SH3RF3: variants seen among roughly 807,000 people sequenced by gnomAD.
SH3RF3 encodes the protein SH3 domain containing ring finger 3.
A neutral mutation model predicts 66.3 loss-of-function variants in SH3RF3; 29 were observed. The ratio of observed to expected loss-of-function variants is 0.44; its 90% CI spans 0.33 to 0.60. The LOEUF (loss-of-function observed/expected upper bound fraction) is 0.60. Ranked by LOEUF, SH3RF3 falls within the 20% of genes least tolerant of loss-of-function variation. The pLI, the probability that SH3RF3 is intolerant of heterozygous loss-of-function variation, is 0.04. For missense variants in SH3RF3, 1,194 were observed against 1,190.9 expected, an observed-to-expected ratio of 1.00 and a Z score of -0.04; for synonymous variants, 583 against 532.0, an observed-to-expected ratio of 1.10 and a Z score of -1.32.
intron 1 of SH3RF3, among the ~76,000 whole-genome samples, chr2:109,238,238 C>G (rs1679692493): frequency 6.6e-6 from 1 of 151,950 alleles, no homozygotes; most frequent in African/African-American, 2.4e-5. Flanking sequence ...TTTATGAAGA[C>G]TAATTCAATA....
intron 8 of SH3RF3, among the ~76,000 whole-genome samples, chr2:109,457,361 A>G (rs978041455): frequency 1.3e-4 from 20 of 152,264 alleles, no homozygotes; most frequent in Non-Finnish European, 4.4e-5. Context: ...CAAGTAAACT[A>G]TTATTCAGAA....
At chr2:109,159,437 C>T (rs1002173495) in intron 1 of SH3RF3, among the ~76,000 whole-genome samples, 3 of 152,220 alleles carry the variant, frequency 2.0e-5, no homozygotes, top group Non-Finnish European at 4.4e-5. Flanking sequence ...ACGGAGGCCT[C>T]CTGCATTACT....
intron 1 of SH3RF3, among the ~76,000 whole-genome samples, chr2:109,136,492 T>C (rs1192779521): frequency 6.6e-6 from 1 of 152,102 alleles, no homozygotes; most frequent in Non-Finnish European, 1.5e-5. Flanking sequence ...CCTTTTCCCA[T>C]TGAGTGAAGT....
At chr2:109,323,287 A>G (rs999366996) in intron 1 of SH3RF3, among the ~76,000 whole-genome samples, 1 of 152,222 alleles carries the variant, frequency 6.6e-6, no homozygotes, top group African/African-American at 2.4e-5. Flanking sequence ...TGACTGGCAC[A>G]GGGGCAAGTG....
At chr2:109,362,464 G>C (rs1010119273) in intron 2 of SH3RF3, among the ~76,000 whole-genome samples, 1 of 152,156 alleles carries the variant, frequency 6.6e-6, no homozygotes, top group Non-Finnish European at 1.5e-5. Context: ...ATTTGTTAAG[G>C]TGTGTTTTGC....
chr2:109,250,975 CT>C lies in SH3RF3; in HGVS notation c.574-96690del, dbSNP rs953824330. ...GGCATATACATTGCATTCTGTATAG[CT>C]TTTTTTTTCAAATTATTAATATTTT... On this transcript the variant is annotated intron_variant, in intron 1 of 9. Transcript: ENST00000309415. 4.6e-3 allele frequency among the ~76,000 whole-genome samples: 689 copies of C among 149,800 alleles called. 7 individuals are homozygous for C. The highest frequency in any genetic ancestry group is 0.014 in the African/African-American group (584 of 40,874).
Position 109,193,640 on chromosome 2 carries a change from A to G in SH3RF3, c.573+63527A>G, listed in dbSNP as rs138531821. On this transcript the variant is annotated intron_variant, in intron 1 of 9. Transcript: ENST00000309415. ...ATGGATGCACCACATTTCTTTCTCC[A>G]TTCATGAGTTGATGGACATTTGAGT... Among the ~76,000 whole-genome samples, 121 of 152,172 alleles carry G rather than the reference A, an allele frequency of 8.0e-4. No homozygotes were observed. The Middle Eastern group carries it at 0.014, about 17-fold the overall frequency.
At chr2:109,479,468 G>A (rs1012006938) in intron 8 of SH3RF3, among the ~76,000 whole-genome samples, 3 of 152,110 alleles carry the variant, frequency 2.0e-5, no homozygotes, top group African/African-American at 2.4e-5. Flanking sequence ...AGCTGCCTCC[G>A]GTTTGGTACT....
In SH3RF3 at chr2:109,371,686, G is replaced by T. The variant is rs1224310965; in HGVS notation, c.945+5G>T. ...TTCCCGCTCCTGTACGTGGAGGTAA[G>T]ACCGTGCCGCCCTCCCACACTTGGC... On this transcript the variant is annotated splice_donor_5th_base_variant and intron_variant, in intron 3 of 9. Coordinates refer to ENST00000309415, the MANE Select transcript of SH3RF3 (RefSeq NM_001099289.3). 2.5e-6 allele frequency: 4 copies of T among 1,612,916 alleles called. No individual in the cohort carries two copies. Among genetic ancestry groups the T allele is most frequent in the Non-Finnish European group, 2.5e-6 (3 of 1,179,444 alleles).
chr2:109,208,779 C>T (rs1391612725), intron 1 of SH3RF3, among the ~76,000 whole-genome samples: 1 of 152,146 alleles, frequency 6.6e-6, no homozygotes, highest in Non-Finnish European at 1.5e-5. Context: ...GAATCTTGCC[C>T]TAGAAATACA....
chr2:109,284,753 T>C (rs548919248), intron 1 of SH3RF3, among the ~76,000 whole-genome samples: 1 of 152,312 alleles, frequency 6.6e-6, no homozygotes, highest in African/African-American at 2.4e-5. Flanking sequence ...AGTCCCCGCA[T>C]GGCTAAGCAC....
At chr2:109,478,924 A>G (rs1678760940) in intron 8 of SH3RF3, among the ~76,000 whole-genome samples, 1 of 152,174 alleles carries the variant, frequency 6.6e-6, no homozygotes. Context: ...GGGGCAGGGC[A>G]TGACAGGAAG....
At chr2:109,498,751 G>A (rs1461568460) in intron 9 of SH3RF3, among the ~76,000 whole-genome samples, 3 of 152,230 alleles carry the variant, frequency 2.0e-5, no homozygotes, top group African/African-American at 7.2e-5. Flanking sequence ...TCCCTGTGGC[G>A]ATGGGGCTTG....
chr2:109,196,137 G>A (rs1348358303), intron 1 of SH3RF3, among the ~76,000 whole-genome samples: 1 of 152,228 alleles, frequency 6.6e-6, no homozygotes, highest in Non-Finnish European at 1.5e-5. Context: ...GCAGGCACAC[G>A]TCCCACTCAG....
At chr2:109,180,784 A>G (rs1001890491) in intron 1 of SH3RF3, among the ~76,000 whole-genome samples, 2 of 152,184 alleles carry the variant, frequency 1.3e-5, no homozygotes, top group Non-Finnish European at 2.9e-5. Flanking sequence ...TAAATTGCCC[A>G]GTCTCTGGTA....
At chr2:109,246,098 A>G (rs995068486) in intron 1 of SH3RF3, among the ~76,000 whole-genome samples, 1 of 152,250 alleles carries the variant, frequency 6.6e-6, no homozygotes, top group African/African-American at 2.4e-5. Context: ...CAAGTTACTT[A>G]GCTTCTGTTT....
intron 5 of SH3RF3, among the ~76,000 whole-genome samples, chr2:109,431,669 C>G (rs1677220102): frequency 6.6e-6 from 1 of 152,114 alleles, no homozygotes; most frequent in Non-Finnish European, 1.5e-5. Flanking sequence ...ACTAGGAGCT[C>G]AAGACCAGTC....
chr2:109,143,014 A>G (rs951683767), intron 1 of SH3RF3, among the ~76,000 whole-genome samples: 3 of 151,978 alleles, frequency 2.0e-5, no homozygotes, highest in African/African-American at 7.3e-5. Flanking sequence ...GGCACTAGAG[A>G]TGAGGAAAGG....
intron 1 of SH3RF3, among the ~76,000 whole-genome samples, chr2:109,164,715 A>G (rs774122714): frequency 2.0e-5 from 3 of 152,204 alleles, no homozygotes; most frequent in Non-Finnish European, 4.4e-5. Flanking sequence ...ATGATCAATC[A>G]GGCTACCAAT....
Sources: gnomAD v4.1 joint callset for allele counts (sites outside exome capture counted in the v4.1 genomes callset) on GRCh38, gnomAD v4.1.1 for gene constraint, MANE v1.5 for transcripts, NCBI Gene and HGNC (gene_info 2026-07-23, HGNC 2026-07-21) for gene names.